Variants in MGLL observed in about 807,000 individuals in gnomAD.
MGLL encodes the protein lysophospholipase homolog.
A neutral mutation model predicts 29.1 loss-of-function variants in MGLL; 7 were observed. The ratio of observed to expected loss-of-function variants is 0.24; its 90% CI spans 0.14 to 0.45. The LOEUF (loss-of-function observed/expected upper bound fraction) is 0.45, where lower values mean the gene tolerates loss of function less well. Ranked by LOEUF, MGLL falls within the 20% of genes least tolerant of loss-of-function variation. MGLL has a pLI of 0.99. For missense variants in MGLL, 356 were observed against 413.6 expected, an observed-to-expected ratio of 0.86 and a Z score of 1.21; for synonymous variants, 148 against 168.3, an observed-to-expected ratio of 0.88 and a Z score of 0.93.
intron 3 of MGLL, among the ~76,000 whole-genome samples, chr3:127,765,292 T>G (rs1024423418): frequency 2.6e-5 from 4 of 152,226 alleles, no homozygotes; most frequent in African/African-American, 4.8e-5. Context: ...TCTGTTTTCT[T>G]CTCACCAGGA....
intron 3 of MGLL, among the ~76,000 whole-genome samples, chr3:127,756,222 A>T (rs1476669241): frequency 1.3e-5 from 2 of 152,224 alleles, no homozygotes; most frequent in Non-Finnish European, 2.9e-5. Context: ...CTGTTACTCC[A>T]AGTATTAAGT....
chr3:127,770,016 A>C (rs1185504989), intron 3 of MGLL, among the ~76,000 whole-genome samples: 2 of 152,042 alleles, frequency 1.3e-5, no homozygotes, highest in African/African-American at 4.8e-5. Flanking sequence ...CTTCATAACT[A>C]TCCTCCCTTG....
At chr3:127,821,293 G>T (rs889139552) in intron 2 of MGLL, among the ~76,000 whole-genome samples, 1 of 152,144 alleles carries the variant, frequency 6.6e-6, no homozygotes, top group African/African-American at 2.4e-5. Flanking sequence ...AAACAAGCAG[G>T]AAAAGTGAGC....
At chr3:127,807,685 C>A (rs1477458731) in intron 2 of MGLL, among the ~76,000 whole-genome samples, 1 of 148,362 alleles carries the variant, frequency 6.7e-6, no homozygotes, top group Non-Finnish European at 1.5e-5. Context: ...GGCAGGAACT[C>A]AGAACTTCAT....
At chr3:127,729,465 A>C (rs1338289814) in intron 3 of MGLL, among the ~76,000 whole-genome samples, 1 of 152,074 alleles carries the variant, frequency 6.6e-6, no homozygotes, top group Non-Finnish European at 1.5e-5. Flanking sequence ...CCCATCTTTT[A>C]CCAGACCTTT....
intron 5 of MGLL, among the ~76,000 whole-genome samples, chr3:127,716,196 C>T (rs185225257): frequency 1.5e-4 from 23 of 152,344 alleles, no homozygotes; most frequent in African/African-American, 5.3e-4. Context: ...AATGGAGAAA[C>T]CAGATTTGGA....
chr3:127,742,688 G>A (rs2076366760), intron 3 of MGLL, among the ~76,000 whole-genome samples: 1 of 151,382 alleles, frequency 6.6e-6, no homozygotes, highest in African/African-American at 2.4e-5. Flanking sequence ...CTTTTCTTAA[G>A]GCAACCTGTT....
At chr3:127,792,266 C>T (rs907076422) in intron 2 of MGLL, among the ~76,000 whole-genome samples, 1 of 152,194 alleles carries the variant, frequency 6.6e-6, no homozygotes, top group Non-Finnish European at 1.5e-5. Context: ...CTGTGGTCCA[C>T]ACATGCATCT....
intron 5 of MGLL, among the ~76,000 whole-genome samples, chr3:127,720,613 G>A (rs963650553): frequency 2.0e-5 from 3 of 152,198 alleles, no homozygotes; most frequent in East Asian, 1.9e-4. Flanking sequence ...AAAAGTGCCC[G>A]GGGCGGAGGA....
intron 3 of MGLL, among the ~76,000 whole-genome samples, chr3:127,764,145 T>C (rs1397153979): frequency 6.6e-6 from 1 of 152,122 alleles, no homozygotes; most frequent in Non-Finnish European, 1.5e-5. Context: ...CCCTTTCCTC[T>C]CAGATGCAGG....
intron 3 of MGLL, among the ~76,000 whole-genome samples, chr3:127,778,682 C>T (rs1028559275): frequency 3.3e-5 from 5 of 152,130 alleles, no homozygotes; most frequent in South Asian, 2.1e-4. Flanking sequence ...TTTTCAGCTC[C>T]GTTTTTAGTT....
At chr3:127,783,930 C>A (rs2077171304) in intron 2 of MGLL, 2 of 152,240 alleles carry the variant, frequency 1.3e-5, no homozygotes, top group Non-Finnish European at 2.9e-5. Flanking sequence ...AGTACTTTAA[C>A]CCCCTTTGGG....
chr3:127,752,103 C>CT (rs34517374), intron 3 of MGLL, among the ~76,000 whole-genome samples: 78,748 of 148,178 alleles, frequency 0.53, 21,104 homozygotes, highest in Admixed American at 0.62. Context: ...CTCTGTGTCA[C>CT]TTTTTTTTTT....
At position 127,797,081 on chromosome 3, in the gene MGLL, C is replaced by T. The variant is rs539114236; in HGVS notation, c.156-15186G>A. Reference sequence around the variant, plus strand: ...ACTGGTGTGCTTGAGGACAGGGTGGCAGAGGAGAAGCCTGTGATGCTGTGC... The same window carrying T: ...ACTGGTGTGCTTGAGGACAGGGTGGTAGAGGAGAAGCCTGTGATGCTGTGC... On this transcript the variant is annotated intron_variant, in intron 2 of 7. Transcript: ENST00000265052. 9.2e-5 allele frequency among the ~76,000 whole-genome samples: 14 copies of T among 152,184 alleles called. No homozygotes were observed. The East Asian group carries it at 2.7e-3, about 29-fold the overall frequency.
intron 3 of MGLL, chr3:127,736,332 A>G: frequency 1.0e-6 from 1 of 986,018 alleles, no homozygotes; most frequent in Non-Finnish European, 1.2e-6. Flanking sequence ...GTGATAAGCA[A>G]CTAAAAACAG....
intron 3 of MGLL, among the ~76,000 whole-genome samples, chr3:127,760,864 T>C (rs1018742918): frequency 9.2e-5 from 14 of 152,256 alleles, no homozygotes; most frequent in Non-Finnish European, 1.9e-4. Flanking sequence ...GCTTGTTTCC[T>C]CCATAGGGAC....
intron 6 of MGLL, among the ~76,000 whole-genome samples, chr3:127,706,767 G>A (rs781457868): frequency 3.9e-5 from 6 of 152,182 alleles, no homozygotes; most frequent in Admixed American, 1.3e-4. Context: ...TAGCCAAACC[G>A]AGTTTGCTGG....
intron 5 of MGLL, among the ~76,000 whole-genome samples, chr3:127,720,791 C>T (rs1052238222): frequency 2.6e-5 from 4 of 152,188 alleles, no homozygotes; most frequent in African/African-American, 9.6e-5. Flanking sequence ...CAAGTCTAAC[C>T]TCGTCTCCTT....
intron 2 of MGLL, among the ~76,000 whole-genome samples, chr3:127,794,752 G>T: frequency 6.6e-6 from 1 of 152,150 alleles, no homozygotes; most frequent in Admixed American, 6.5e-5. Context: ...ATGTAAGACT[G>T]TCTTTTATGA....
Sources: gnomAD v4.1 joint callset for allele counts (sites outside exome capture counted in the v4.1 genomes callset) on GRCh38, gnomAD v4.1.1 for gene constraint, MANE v1.5 for transcripts, NCBI Gene and HGNC (gene_info 2026-07-23, HGNC 2026-07-21) for gene names.